Variants in NEDD4L observed in about 807,000 individuals in gnomAD.
NEDD4L encodes the protein E3 ubiquitin-protein ligase NEDD4-like.
NEDD4L carries 54 observed loss-of-function variants against 148.9 expected under a neutral mutation model. That is an observed-to-expected ratio of 0.36 (90% CI 0.29 to 0.45). The LOEUF (loss-of-function observed/expected upper bound fraction) is 0.45. Ranked by LOEUF, NEDD4L falls within the 20% of genes least tolerant of loss-of-function variation. NEDD4L has a pLI of 1.00. For missense variants in NEDD4L, 856 were observed against 1,233.8 expected (o/e 0.69, Z 4.59); for synonymous variants, 433 against 440.7 (o/e 0.98, Z 0.22).
chr18:58,126,608 T>G (rs375438274), intron 1 of NEDD4L, among the ~76,000 whole-genome samples: 24 of 152,306 alleles, frequency 1.6e-4, no homozygotes, highest in African/African-American at 5.5e-4. Flanking sequence ...GTGTGCAGGT[T>G]TTTGTGTGGA....
intron 30 of NEDD4L, among the ~76,000 whole-genome samples, chr18:58,393,492 A>G (rs1414676251): frequency 6.6e-6 from 1 of 152,190 alleles, no homozygotes; most frequent in Non-Finnish European, 1.5e-5. Flanking sequence ...TCTTACCAGA[A>G]CTTATTTTCC....
chr18:58,049,186 C>T (rs879897602), intron 1 of NEDD4L, among the ~76,000 whole-genome samples: 5 of 152,146 alleles, frequency 3.3e-5, no homozygotes, highest in Non-Finnish European at 5.9e-5. Flanking sequence ...TTTAAGTCAA[C>T]GAGTAGTCAG....
chr18:58,172,028 TG>T lies in NEDD4L; in HGVS notation c.122+6172del, dbSNP rs1301183853. Reference sequence around the variant, plus strand: ...GTGGTAGGTCCCAGAAACTTCTACTTGGGGGTACATGAGGCCCAGCTGGGAT... The same window carrying T: ...GTGGTAGGTCCCAGAAACTTCTACTTGGGGTACATGAGGCCCAGCTGGGAT... On this transcript the variant is annotated intron_variant, in intron 2 of 30. Transcript: ENST00000400345. Among the ~76,000 whole-genome samples the T allele has an allele frequency of 3.9e-5, 6 of 152,004 alleles. No homozygotes were observed. The South Asian group carries it at 1.2e-3, about 32-fold the overall frequency.
chr18:58,197,953 G>C (rs930558520), intron 2 of NEDD4L: 2 of 152,240 alleles, frequency 1.3e-5, no homozygotes, highest in African/African-American at 4.8e-5. Context: ...GGCAGCGGCT[G>C]ATCAAAGGTT....
chr18:58,366,910 C>T lies in NEDD4L; in HGVS notation c.2063+682C>T, dbSNP rs1298271279. Among the ~76,000 whole-genome samples the T allele has an allele frequency of 6.6e-6, 1 of 152,234 alleles. No homozygotes were observed. Among genetic ancestry groups the T allele is most frequent in the Non-Finnish European group, 1.5e-5 (1 of 68,046 alleles). On this transcript the variant is annotated intron_variant, in intron 21 of 30. Transcript: ENST00000400345. This position sits in a 1 kb window ranked among gnomAD's most constrained non-coding sequence, Gnocchi z 4.2. ...CTCTAAGGGGACGTGGGTTCCCCCACATCTCCCACCTGGTACCAGTCTCCT... is the reference window on the plus strand; with the variant it reads ...CTCTAAGGGGACGTGGGTTCCCCCATATCTCCCACCTGGTACCAGTCTCCT...
chr18:58,045,516 C>G (rs1391216933), intron 1 of NEDD4L: 1 of 171,868 alleles, frequency 5.8e-6, no homozygotes, highest in Admixed American at 6.3e-5. Context: ...TTGTTTTTAC[C>G]TTCATTCTCT....
intron 2 of NEDD4L, among the ~76,000 whole-genome samples, chr18:58,167,829 G>A (rs1407027469): frequency 6.6e-6 from 1 of 152,102 alleles, no homozygotes; most frequent in Non-Finnish European, 1.5e-5. Context: ...GAAATCTGTA[G>A]TGCTGAAGGA....
chr18:58,186,757 A>G (rs1404654076), intron 2 of NEDD4L, among the ~76,000 whole-genome samples: 1 of 152,232 alleles, frequency 6.6e-6, no homozygotes, highest in African/African-American at 2.4e-5. Flanking sequence ...GTATGCTTGC[A>G]TAGACTCTCT....
chr18:58,071,039 AAC>A (rs112714314), intron 1 of NEDD4L, among the ~76,000 whole-genome samples: 7 of 151,508 alleles, frequency 4.6e-5, no homozygotes, highest in Admixed American at 2.0e-4. Flanking sequence ...AGGTTAAAAA[AAC>A]ACACACACAC....
chr18:58,390,939 G>C (rs138506204), intron 29 of NEDD4L, among the ~76,000 whole-genome samples, 197 bp downstream of exon 29: 1 of 151,684 alleles, frequency 6.6e-6, no homozygotes, highest in South Asian at 2.1e-4. Context: ...CTTCTACTTC[G>C]AGGGATTGGG....
chr18:58,252,062 G>T lies in NEDD4L; in HGVS notation c.297+8G>T. On this transcript the variant is annotated splice_region_variant and intron_variant, in intron 5 of 30. Coordinates refer to ENST00000400345, the MANE Select transcript of NEDD4L (RefSeq NM_001144967.3). ...TTTGACGAAAATAGACTGGTAAGTG[G>T]ATGCCTGTATTTGAATTTTGCTTCA... The T allele has an allele frequency of 6.4e-7, 1 of 1,573,580 alleles. No individual in the cohort carries two copies.
chr18:58,057,958 C>T (rs2082160656), intron 1 of NEDD4L, among the ~76,000 whole-genome samples: 2 of 152,212 alleles, frequency 1.3e-5, no homozygotes, highest in South Asian at 4.1e-4. Context: ...TTGTGGGACT[C>T]TGAGTACCCA....
rs2059585698 is a variant in NEDD4L at position 58,329,262 on chromosome 18, A to G, written c.813+135A>G. Reference sequence around the variant, plus strand: ...AAGATTACAGTGACGCAGGGAATTAATTACCATCTGAATATTAATTTGAAA... The same window carrying G: ...AAGATTACAGTGACGCAGGGAATTAGTTACCATCTGAATATTAATTTGAAA... On this transcript the variant is annotated intron_variant, in intron 10 of 30. Coordinates refer to ENST00000400345, the MANE Select transcript of NEDD4L (RefSeq NM_001144967.3). 2.9e-6 allele frequency: 3 copies of G among 1,017,648 alleles called. No individual in the cohort carries two copies. In the East Asian group the frequency reaches 7.9e-5, roughly 27 times the overall value. The allele number at this position is 1,017,648 out of a possible 1,614,324, so 63.0% of individuals were successfully genotyped here. A position where few individuals can be genotyped will look rare whatever the true frequency, so the allele number is the denominator to read the frequency against.
At chr18:58,098,836 A>G (rs988577184) in intron 1 of NEDD4L, among the ~76,000 whole-genome samples, 26 of 152,322 alleles carry the variant, frequency 1.7e-4, no homozygotes, top group Middle Eastern at 6.8e-3. Context: ...AATGTATCAA[A>G]TTGCTGACGT....
chr18:58,048,233 C>G (rs895458049), intron 1 of NEDD4L, among the ~76,000 whole-genome samples: 1 of 152,130 alleles, frequency 6.6e-6, no homozygotes, highest in Admixed American at 6.5e-5. Context: ...CCAGTCACCA[C>G]GGCTCCCTGC....
chr18:58,231,002 C>G (rs965896361), intron 2 of NEDD4L, among the ~76,000 whole-genome samples: 1 of 151,950 alleles, frequency 6.6e-6, no homozygotes, highest in Admixed American at 6.6e-5. Flanking sequence ...AATTCCAACA[C>G]TGTGGGAGGT....
intron 5 of NEDD4L, among the ~76,000 whole-genome samples, chr18:58,290,128 C>T (rs1600757665): frequency 6.6e-6 from 1 of 152,200 alleles, no homozygotes; most frequent in African/African-American, 2.4e-5. Context: ...AGACTTCAGA[C>T]ATTCAGAGCC....
At chr18:58,278,610 A>G (rs2148925222) in intron 5 of NEDD4L, among the ~76,000 whole-genome samples, 1 of 152,176 alleles carries the variant, frequency 6.6e-6, no homozygotes, top group Non-Finnish European at 1.5e-5. Context: ...ACTCCATGAC[A>G]CTGGGCCCGT....
intron 5 of NEDD4L, among the ~76,000 whole-genome samples, chr18:58,314,003 G>A (rs1469042837): frequency 6.6e-6 from 1 of 152,230 alleles, no homozygotes; most frequent in African/African-American, 2.4e-5. Context: ...GCAGGAGGAG[G>A]AGAGGTGGCA....
Sources: allele counts gnomAD v4.1 joint callset (sites outside exome capture counted in the v4.1 genomes callset), GRCh38; gene constraint gnomAD v4.1.1; non-coding constraint Gnocchi (gnomAD v3.1); transcripts MANE v1.5; gene names NCBI Gene and HGNC (gene_info 2026-07-23, HGNC 2026-07-21).